The following TPD52 variants were observed in gnomAD, a reference collection of about 807,000 sequenced individuals.
TPD52 encodes the protein prostate and colon associated protein.
A neutral mutation model predicts 31.3 loss-of-function variants in TPD52; 17 were observed. The observed-to-expected ratio is 0.54, with a 90% confidence interval of 0.37 to 0.82. TPD52 has a LOEUF of 0.82. Among genes scored for constraint, TPD52 ranks in the 40% least tolerant of loss-of-function variants. TPD52 has a pLI of 0.00. For missense variants in TPD52, 212 were observed against 240.1 expected, an observed-to-expected ratio of 0.88 and a Z score of 0.77; for synonymous variants, 83 against 89.6, an observed-to-expected ratio of 0.93 and a Z score of 0.42.
intron 1 of TPD52, among the ~76,000 whole-genome samples, chr8:80,146,661 T>C (rs1225403047): frequency 6.6e-6 from 1 of 152,240 alleles, no homozygotes; most frequent in Admixed American, 6.5e-5. Flanking sequence ...AGATGTTCAA[T>C]GCAGGATTTA....
intron 1 of TPD52, among the ~76,000 whole-genome samples, chr8:80,123,361 A>AG (rs1808388579): frequency 6.6e-6 from 1 of 152,304 alleles, no homozygotes; most frequent in Admixed American, 6.5e-5. Flanking sequence ...GCTGAAAAAA[A>AG]GGGAAAAATG....
chr8:80,154,191 G>T (rs1810768181), intron 1 of TPD52, among the ~76,000 whole-genome samples: 1 of 152,236 alleles, frequency 6.6e-6, no homozygotes, highest in African/African-American at 2.4e-5. Flanking sequence ...GCTAAAGGGT[G>T]ACTGCATGGG....
chr8:80,044,039 G>A, intron 6 of TPD52, 128 bp downstream of exon 6: 2 of 712,346 alleles, frequency 2.8e-6, no homozygotes, highest in Non-Finnish European at 4.6e-6. Flanking sequence ...AAAACTGATA[G>A]AGTGTTAAAC....
intron 1 of TPD52, among the ~76,000 whole-genome samples, chr8:80,109,742 G>A (rs1362832046): frequency 6.6e-6 from 1 of 152,172 alleles, no homozygotes; most frequent in Non-Finnish European, 1.5e-5. Flanking sequence ...TGACTACAGA[G>A]AGAAAATTAT....
In TPD52 at chr8:80,120,957, C is replaced by CT. The variant is rs1475479011; in HGVS notation, c.19+50467dup. Among the ~76,000 whole-genome samples, 3 of 151,968 alleles carry CT rather than the reference C, an allele frequency of 2.0e-5. No homozygotes were observed. In the East Asian group the frequency reaches 5.8e-4, roughly 29 times the overall value. ...ATTAGCTGAGCATGGTGGCATGTGC[C>CT]TGTAGTCCCAGCTGCTTGGGAGGCT... On this transcript the variant is annotated intron_variant, in intron 1 of 7. Transcript: ENST00000518937.
chr8:80,151,738 G>A (rs970346029), intron 1 of TPD52, among the ~76,000 whole-genome samples: 1 of 151,910 alleles, frequency 6.6e-6, no homozygotes, highest in African/African-American at 2.4e-5. Flanking sequence ...CTTATAAAAG[G>A]CACTGTTCTG....
chr8:80,150,767 C>T (rs1263770859), intron 1 of TPD52, among the ~76,000 whole-genome samples: 1 of 152,182 alleles, frequency 6.6e-6, no homozygotes, highest in African/African-American at 2.4e-5. Flanking sequence ...ATGCCTGTAC[C>T]TTCATTGTAT....
intron 1 of TPD52, among the ~76,000 whole-genome samples, chr8:80,143,409 T>TA (rs1278806648): frequency 6.6e-6 from 1 of 152,200 alleles, no homozygotes; most frequent in African/African-American, 2.4e-5. Context: ...CTGATAGACT[T>TA]ACGTATAACC....
intron 1 of TPD52, among the ~76,000 whole-genome samples, chr8:80,124,321 G>A (rs181698179): frequency 1.8e-4 from 27 of 152,056 alleles, no homozygotes; most frequent in African/African-American, 5.3e-4. Context: ...GCATACCACC[G>A]TGCCTGGCTA....
chr8:80,050,030 A>C (rs1232250062), intron 5 of TPD52, among the ~76,000 whole-genome samples: 1 of 152,208 alleles, frequency 6.6e-6, no homozygotes, highest in Non-Finnish European at 1.5e-5. Context: ...GTACATATGC[A>C]GTCTGTTACA....
intron 1 of TPD52, among the ~76,000 whole-genome samples, chr8:80,129,705 T>C (rs1586357274): frequency 6.8e-6 from 1 of 147,304 alleles, no homozygotes; most frequent in East Asian, 2.0e-4. Context: ...TCTCATTTCT[T>C]TTTTTTTTTT....
intron 1 of TPD52, among the ~76,000 whole-genome samples, chr8:80,103,028 G>T (rs1220636124): frequency 6.6e-6 from 1 of 152,012 alleles, no homozygotes; most frequent in Non-Finnish European, 1.5e-5. Context: ...CCCACACCTC[G>T]CCCTATGCAC....
chr8:80,151,383 T>C (rs1810557258), intron 1 of TPD52, among the ~76,000 whole-genome samples: 1 of 152,214 alleles, frequency 6.6e-6, no homozygotes, highest in African/African-American at 2.4e-5. Flanking sequence ...CTAAAAAGAA[T>C]AGGCTTAAAA....
chr8:80,051,054 C>G (rs186876949), intron 4 of TPD52, among the ~76,000 whole-genome samples: 48 of 148,324 alleles, frequency 3.2e-4, no homozygotes, highest in African/African-American at 1.1e-3. Flanking sequence ...TAAGCATGAA[C>G]ATAGTTACAG....
chr8:80,152,323 T>C (rs879350352), intron 1 of TPD52, among the ~76,000 whole-genome samples: 21 of 152,130 alleles, frequency 1.4e-4, no homozygotes, highest in Admixed American at 9.2e-4. Flanking sequence ...CAGAATCACA[T>C]GGGCAGAAGC....
chr8:80,105,786 C>T (rs987541798), intron 1 of TPD52, among the ~76,000 whole-genome samples: 1 of 146,546 alleles, frequency 6.8e-6, no homozygotes, highest in African/African-American at 2.6e-5. Flanking sequence ...GGCTGGAGTG[C>T]AGCGGTGCAA....
intron 1 of TPD52, among the ~76,000 whole-genome samples, chr8:80,111,088 T>A (rs957313800): frequency 6.6e-5 from 10 of 152,186 alleles, no homozygotes; most frequent in African/African-American, 2.4e-4. Flanking sequence ...GATGTGCACA[T>A]GTAACCTCAA....
chr8:80,089,046 C>CA (rs1415005552), intron 1 of TPD52, among the ~76,000 whole-genome samples: 1 of 152,206 alleles, frequency 6.6e-6, no homozygotes, highest in Non-Finnish European at 1.5e-5. Context: ...TCTACCCTGC[C>CA]ACCAGCACCT....
intron 1 of TPD52, among the ~76,000 whole-genome samples, chr8:80,153,765 C>T (rs1418269458): frequency 6.6e-6 from 1 of 152,198 alleles, no homozygotes; most frequent in Non-Finnish European, 1.5e-5. Flanking sequence ...TAAGCTCCCT[C>T]ATCAGTAAAA....
Sources: gnomAD v4.1 joint callset for allele counts (sites outside exome capture counted in the v4.1 genomes callset) on GRCh38, gnomAD v4.1.1 for gene constraint, MANE v1.5 for transcripts, NCBI Gene and HGNC (gene_info 2026-07-23, HGNC 2026-07-21) for gene names.